PLXDC2: variants seen among roughly 807,000 people sequenced by gnomAD.
PLXDC2 encodes plexin domain-containing protein 2.
PLXDC2 carries 40 observed loss-of-function variants against 68.9 expected under a neutral mutation model. The ratio of observed to expected loss-of-function variants is 0.58; its 90% CI spans 0.45 to 0.76. The LOEUF is 0.76. Among genes scored for constraint, PLXDC2 ranks in the 30% least tolerant of loss-of-function variants. PLXDC2 has a pLI of 0.00. For synonymous variants in PLXDC2, 243 were observed against 234.2 expected (o/e 1.04, Z -0.34); for missense variants, 644 against 661.9 (o/e 0.97, Z 0.30).
At chr10:20,272,604 C>CTA (rs1168427116) in intron 13 of PLXDC2, among the ~76,000 whole-genome samples, 2 of 152,066 alleles carry the variant, frequency 1.3e-5, no homozygotes, top group African/African-American at 4.8e-5. Context: ...TGGATCAAAG[C>CTA]TATGTGTTCC....
At chr10:20,238,507 C>T (rs1835463686) in intron 12 of PLXDC2, among the ~76,000 whole-genome samples, 1 of 150,158 alleles carries the variant, frequency 6.7e-6, no homozygotes, top group Non-Finnish European at 1.5e-5. Context: ...ATTAGCCAGG[C>T]ATGGCAGCCC....
intron 1 of PLXDC2, among the ~76,000 whole-genome samples, chr10:19,869,383 C>T (rs1460556638): frequency 6.7e-6 from 1 of 149,030 alleles, no homozygotes; most frequent in Non-Finnish European, 1.5e-5. Context: ...GAAATGCTGC[C>T]ACTGCACTCC....
At chr10:20,105,855 C>A (rs193252412) in intron 4 of PLXDC2, among the ~76,000 whole-genome samples, 1 of 152,180 alleles carries the variant, frequency 6.6e-6, no homozygotes, top group African/African-American at 2.4e-5. Flanking sequence ...TGGACGAGAG[C>A]ATTATTTAAT....
intron 1 of PLXDC2, among the ~76,000 whole-genome samples, chr10:19,847,234 T>C (rs1837025621): frequency 6.6e-6 from 1 of 152,206 alleles, no homozygotes; most frequent in Non-Finnish European, 1.5e-5. Flanking sequence ...GGCTTTTGTA[T>C]AAAGTGTTTG....
At chr10:19,993,607 A>G (rs1278314709) in intron 1 of PLXDC2, among the ~76,000 whole-genome samples, 1 of 152,024 alleles carries the variant, frequency 6.6e-6, no homozygotes, top group Non-Finnish European at 1.5e-5. Flanking sequence ...TTTAGTAGAG[A>G]CTGGCTTTCA....
chr10:19,983,694 G>A (rs1412715958), intron 1 of PLXDC2, among the ~76,000 whole-genome samples: 2 of 152,092 alleles, frequency 1.3e-5, no homozygotes, highest in Non-Finnish European at 2.9e-5. Context: ...GGAATCCCAG[G>A]TTTAATAGGT....
At chr10:19,830,998 T>C (rs1836679691) in intron 1 of PLXDC2, among the ~76,000 whole-genome samples, 1 of 152,146 alleles carries the variant, frequency 6.6e-6, no homozygotes, top group South Asian at 2.1e-4. Flanking sequence ...TGTTTCCTTT[T>C]TTTTTTTGTT....
In PLXDC2 at chr10:20,050,090, G is replaced by A. The variant is rs1452093331; in HGVS notation, c.471+3075G>A. ...TGACCATCAGACCTTCAACAAACCT[G>A]ACAAAAACAAGCAATGGAGAAAAGA... On this transcript the variant is annotated intron_variant, in intron 3 of 13. Coordinates refer to ENST00000377252, the MANE Select transcript of PLXDC2 (RefSeq NM_032812.9). Among the ~76,000 whole-genome samples the A allele has an allele frequency of 2.0e-5, 3 of 152,116 alleles. No individual in the cohort carries two copies. The East Asian group carries it at 5.8e-4, about 29-fold the overall frequency.
At chr10:19,983,176 C>T (rs369983772) in intron 1 of PLXDC2, among the ~76,000 whole-genome samples, 9 of 152,074 alleles carry the variant, frequency 5.9e-5, no homozygotes, top group South Asian at 4.1e-4. Flanking sequence ...ATTTACTGAA[C>T]GAATCACTTG....
chr10:20,033,954 A>G (rs962613376), intron 2 of PLXDC2, among the ~76,000 whole-genome samples: 7 of 152,218 alleles, frequency 4.6e-5, no homozygotes, highest in Middle Eastern at 3.2e-3. Context: ...CTAAGATAAT[A>G]TGAAATCTAT....
At chr10:19,842,179 G>C (rs1013607965) in intron 1 of PLXDC2, among the ~76,000 whole-genome samples, 5 of 152,116 alleles carry the variant, frequency 3.3e-5, no homozygotes, top group African/African-American at 1.2e-4. Flanking sequence ...TCTGGAGGCT[G>C]AGAATTGACA....
chr10:20,203,710 T>C (rs1028370797), intron 9 of PLXDC2, among the ~76,000 whole-genome samples: 2 of 152,106 alleles, frequency 1.3e-5, no homozygotes, highest in African/African-American at 4.8e-5. Flanking sequence ...AGGGCTACTC[T>C]AGATTCTAGA....
intron 1 of PLXDC2, among the ~76,000 whole-genome samples, chr10:19,981,182 C>G (rs1300336553): frequency 6.6e-6 from 1 of 152,178 alleles, no homozygotes; most frequent in East Asian, 1.9e-4. Flanking sequence ...GTTGAATCTT[C>G]AAGAATTTCA....
At chr10:19,821,463 G>T (rs1024467914) in intron 1 of PLXDC2, among the ~76,000 whole-genome samples, 1 of 152,100 alleles carries the variant, frequency 6.6e-6, no homozygotes, top group Non-Finnish European at 1.5e-5. Flanking sequence ...GATATTGTAG[G>T]GTTTCCTTTT....
chr10:19,889,538 G>T (rs1837911655), intron 1 of PLXDC2, among the ~76,000 whole-genome samples: 3 of 152,106 alleles, frequency 2.0e-5, no homozygotes, highest in African/African-American at 4.8e-5. Flanking sequence ...CTTATTAAGT[G>T]ACCACAAGTA....
chr10:19,860,115 T>C (rs142859643), intron 1 of PLXDC2, among the ~76,000 whole-genome samples: 163 of 152,264 alleles, frequency 1.1e-3, no homozygotes, highest in African/African-American at 3.8e-3. Flanking sequence ...AGGGTGAGTA[T>C]AATCACACTA....
chr10:20,178,899 T>G (rs939272609), intron 9 of PLXDC2, among the ~76,000 whole-genome samples: 1 of 152,042 alleles, frequency 6.6e-6, no homozygotes, highest in Admixed American at 6.6e-5. Context: ...TAAAAGGAGA[T>G]TTTTAAGTTA....
At chr10:19,999,078 G>T (rs940450780) in intron 1 of PLXDC2, among the ~76,000 whole-genome samples, 2 of 152,046 alleles carry the variant, frequency 1.3e-5, no homozygotes, top group African/African-American at 2.4e-5. Context: ...AAGGCAGGAA[G>T]AAAAAATAGG....
At chr10:19,821,969 C>A (rs1589483970) in intron 1 of PLXDC2, among the ~76,000 whole-genome samples, 2 of 152,144 alleles carry the variant, frequency 1.3e-5, no homozygotes, top group Middle Eastern at 6.8e-3. Context: ...AGCTGTGCAA[C>A]ATGATGCTTG....
Sources: allele counts gnomAD v4.1 joint callset (sites outside exome capture counted in the v4.1 genomes callset), GRCh38; gene constraint gnomAD v4.1.1; transcripts MANE v1.5; gene names NCBI Gene and HGNC (gene_info 2026-07-23, HGNC 2026-07-21).